SYBU: variants seen among roughly 807,000 people sequenced by gnomAD.
SYBU encodes the protein GOLSYN A protein.
Under a neutral mutation model 35.9 loss-of-function variants are expected in SYBU, and 21 were observed. That is an observed-to-expected ratio of 0.58 (90% CI 0.41 to 0.84). SYBU has a LOEUF of 0.84. SYBU is among the 40% of genes least tolerant of loss of function. The probability of loss-of-function intolerance (pLI) is 0.00; values close to 1 mark genes in which losing one functional copy is unlikely to be tolerated. For synonymous variants in SYBU, 319 were observed against 324.3 expected (o/e 0.98, Z 0.18); for missense variants, 768 against 848.2 (o/e 0.91, Z 1.17).
intron 3 of SYBU, among the ~76,000 whole-genome samples, chr8:109,607,663 A>C (rs957678915): frequency 6.6e-6 from 1 of 152,238 alleles, no homozygotes; most frequent in Non-Finnish European, 1.5e-5. Context: ...CAATTGCACA[A>C]ATAGACTTAC....
chr8:109,584,149 G>T lies in SYBU; in HGVS notation c.530+1911C>A, dbSNP rs1018231278. Among the ~76,000 whole-genome samples the T allele has an allele frequency of 6.6e-6, 1 of 152,110 alleles. No individual in the cohort carries two copies. The highest frequency in any genetic ancestry group is 2.4e-5 in the African/African-American group (1 of 41,418). ...TTTTAAAAACTGAGGATAATGGATA[G>T]AACACTGCCATTTTCAATTTTCCAT... On this transcript the variant is annotated intron_variant, in intron 4 of 6. Coordinates refer to ENST00000276646, the MANE Select transcript of SYBU (RefSeq NM_001099754.2). This position sits in a 1 kb window ranked among gnomAD's most constrained non-coding sequence, Gnocchi z 4.0.
intron 1 of SYBU, among the ~76,000 whole-genome samples, chr8:109,662,148 A>T (rs183580216): frequency 6.6e-6 from 1 of 152,322 alleles, no homozygotes; most frequent in African/African-American, 2.4e-5. Flanking sequence ...AGACCATTGG[A>T]TCTAGACTGC....
At chr8:109,642,000 G>A (rs948214924) in intron 2 of SYBU, among the ~76,000 whole-genome samples, 2 of 152,142 alleles carry the variant, frequency 1.3e-5, no homozygotes, top group Non-Finnish European at 2.9e-5. Flanking sequence ...AAGACACATG[G>A]ACACGTATGT....
chr8:109,686,815 A>G (rs1237437889), intron 1 of SYBU, among the ~76,000 whole-genome samples: 1 of 152,064 alleles, frequency 6.6e-6, no homozygotes, highest in Non-Finnish European at 1.5e-5. Context: ...TTAAATTCAT[A>G]TTTCATTCCT....
chr8:109,664,986 C>A (rs1212178911), intron 1 of SYBU, among the ~76,000 whole-genome samples: 1 of 152,020 alleles, frequency 6.6e-6, no homozygotes, highest in East Asian at 1.9e-4. Flanking sequence ...CATTGATATC[C>A]TTTTTTAAAT....
chr8:109,598,766 T>C (rs754153526), intron 3 of SYBU, among the ~76,000 whole-genome samples: 6 of 152,236 alleles, frequency 3.9e-5, no homozygotes, highest in Non-Finnish European at 8.8e-5. Context: ...GATGACCTAG[T>C]TTCTCTCGGG....
At chr8:109,637,579 G>T (rs1814366018) in intron 2 of SYBU, among the ~76,000 whole-genome samples, 2 of 152,062 alleles carry the variant, frequency 1.3e-5, no homozygotes, top group Admixed American at 1.3e-4. Context: ...AATTGATAGG[G>T]TCTTTTTTTT....
chr8:109,667,452 T>C (rs1279789219), intron 1 of SYBU, among the ~76,000 whole-genome samples: 1 of 151,064 alleles, frequency 6.6e-6, no homozygotes, highest in African/African-American at 2.4e-5. Flanking sequence ...TCCCTAGAAA[T>C]AAACAAGAAT....
At chr8:109,605,747 G>A (rs986948973) in intron 3 of SYBU, among the ~76,000 whole-genome samples, 5 of 151,958 alleles carry the variant, frequency 3.3e-5, no homozygotes, top group East Asian at 1.9e-4. Flanking sequence ...CCCAGCATGG[G>A]GCCTATTTTT....
chr8:109,690,796 A>G (rs1162708274), intron 1 of SYBU, among the ~76,000 whole-genome samples: 1 of 152,186 alleles, frequency 6.6e-6, no homozygotes, highest in Non-Finnish European at 1.5e-5. Context: ...ATTAATGGAA[A>G]ATGGCTCATC....
At chr8:109,581,755 A>C (rs1823054411) in intron 4 of SYBU, among the ~76,000 whole-genome samples, 1 of 152,258 alleles carries the variant, frequency 6.6e-6, no homozygotes, top group Admixed American at 6.5e-5. Context: ...TGGCTTCAAA[A>C]CCATGATCAC....
At chr8:109,619,504 A>G (rs1812200411) in intron 2 of SYBU, among the ~76,000 whole-genome samples, 2 of 152,086 alleles carry the variant, frequency 1.3e-5, no homozygotes, top group South Asian at 4.1e-4. Flanking sequence ...TGGGATTACA[A>G]TCATGAGCTA....
intron 2 of SYBU, among the ~76,000 whole-genome samples, chr8:109,630,923 A>G (rs973132102): frequency 2.6e-5 from 4 of 152,176 alleles, no homozygotes; most frequent in African/African-American, 9.7e-5. Context: ...GTGACTTGAA[A>G]GGCAGGAGGA....
intron 3 of SYBU, among the ~76,000 whole-genome samples, chr8:109,588,563 C>T (rs190312221): frequency 2.8e-4 from 42 of 152,266 alleles, no homozygotes; most frequent in African/African-American, 8.7e-4. Flanking sequence ...ATTTAAAGAA[C>T]GTAACCTGGT....
At chr8:109,612,409 G>A (rs1003929663) in intron 3 of SYBU, among the ~76,000 whole-genome samples, 4 of 152,150 alleles carry the variant, frequency 2.6e-5, no homozygotes, top group Non-Finnish European at 5.9e-5. Context: ...GTTTGCTGCC[G>A]GAAGACCTTA....
At chr8:109,632,545 T>C (rs6469271) in intron 2 of SYBU, among the ~76,000 whole-genome samples, 43,365 of 152,046 alleles carry the variant, frequency 0.29, 6,641 homozygotes, top group East Asian at 0.41. Flanking sequence ...GAAAAAGCAA[T>C]GTTCATCATA....
intron 1 of SYBU, among the ~76,000 whole-genome samples, chr8:109,659,719 G>A (rs970028717): frequency 2.6e-5 from 4 of 152,036 alleles, no homozygotes; most frequent in African/African-American, 9.7e-5. Flanking sequence ...GTCTTTTTGT[G>A]TGCCTTTCCC....
At chr8:109,590,843 G>A (rs1381707412) in intron 3 of SYBU, among the ~76,000 whole-genome samples, 1 of 150,920 alleles carries the variant, frequency 6.6e-6, no homozygotes, top group Non-Finnish European at 1.5e-5. Flanking sequence ...ACAAATGGCT[G>A]ATACTCATGA....
upstream of SYBU, among the ~76,000 whole-genome samples, chr8:109,682,318 A>C (rs894383612): frequency 6.6e-6 from 1 of 152,232 alleles, no homozygotes; most frequent in African/African-American, 2.4e-5. Flanking sequence ...GAAAGTTTGC[A>C]ACTTCCTAGA....
Sources: allele counts gnomAD v4.1 joint callset (sites outside exome capture counted in the v4.1 genomes callset), GRCh38; gene constraint gnomAD v4.1.1; non-coding constraint Gnocchi (gnomAD v3.1); transcripts MANE v1.5; gene names NCBI Gene and HGNC (gene_info 2026-07-23, HGNC 2026-07-21).